Variants in CDKL5 observed in about 807,000 individuals in gnomAD.
The protein encoded by CDKL5 is cyclin-dependent kinase-like 5.
CDKL5 carries 8 observed loss-of-function variants against 61.7 expected under a neutral mutation model. The ratio of observed to expected loss-of-function variants is 0.13; its 90% CI spans 0.08 to 0.23. CDKL5 has a LOEUF of 0.23. Ranked by LOEUF, CDKL5 falls within the 10% of genes least tolerant of loss-of-function variation. CDKL5 has a pLI of 1.00. For synonymous variants in CDKL5, 275 were observed against 272.3 expected (o/e 1.01, Z -0.10); for missense variants, 440 against 734.5 (o/e 0.60, Z 4.63).
rs192806716 is a variant in CDKL5 at position 18,478,468 on chromosome X, C to T, written c.-162-28467C>T. Among the ~76,000 whole-genome samples, 457 of 106,701 alleles carry T rather than the reference C, an allele frequency of 4.3e-3. 2 individuals are homozygous for T. The Middle Eastern group carries it at 0.045, about 10-fold the overall frequency. 92.7% of individuals were successfully genotyped at this position (106,701 alleles called of 115,157 possible). Reference sequence around the variant, plus strand: ...ACCACACCTGGCTAATTTTTGTAATCTTAGTAGAGATGGGGTTTCACCATG... The same window carrying T: ...ACCACACCTGGCTAATTTTTGTAATTTTAGTAGAGATGGGGTTTCACCATG... On this transcript the variant is annotated intron_variant, in intron 1 of 17. Transcript: ENST00000623535.
intron 1 of CDKL5, among the ~76,000 whole-genome samples, chrX:18,481,127 G>C (rs760612062): frequency 9.1e-6 from 1 of 110,084 alleles, no homozygotes; most frequent in Non-Finnish European, 1.9e-5. Flanking sequence ...CCAAAGTGTT[G>C]GGATGACAGG....
chrX:18,617,260 C>T (rs1220596074), intron 15 of CDKL5, among the ~76,000 whole-genome samples: 1 of 111,838 alleles, frequency 8.9e-6, no homozygotes, highest in East Asian at 2.8e-4. Flanking sequence ...TTGCCCTCCT[C>T]CCGTACTGTT....
intron 4 of CDKL5, among the ~76,000 whole-genome samples, chrX:18,573,178 A>C (rs1173138243): frequency 4.5e-5 from 5 of 111,404 alleles, no homozygotes; most frequent in Non-Finnish European, 9.4e-5. Flanking sequence ...GAGGGACATG[A>C]GATGGGGATG....
At chrX:18,643,028 G>A (rs1927641424), downstream of CDKL5, among the ~76,000 whole-genome samples, 1 of 111,834 alleles carries the variant, frequency 8.9e-6, no homozygotes, top group Non-Finnish European at 1.9e-5. Flanking sequence ...CTGGGCAACA[G>A]AGTGAGACTC....
intron 14 of CDKL5, among the ~76,000 whole-genome samples, chrX:18,611,563 T>C (rs1209744605): frequency 9.0e-6 from 1 of 111,347 alleles, no homozygotes; most frequent in Admixed American, 9.6e-5. Context: ...ACCTCCAAAA[T>C]GTAGCATAGG....
At chrX:18,451,024 G>C (rs932792183) in intron 1 of CDKL5, among the ~76,000 whole-genome samples, 12 of 110,910 alleles carry the variant, frequency 1.1e-4, no homozygotes, top group African/African-American at 3.3e-4. Flanking sequence ...TTATAGATAG[G>C]GTCCCTGAAG....
chrX:18,549,111 G>A (rs1924298210), intron 3 of CDKL5, among the ~76,000 whole-genome samples: 1 of 111,636 alleles, frequency 9.0e-6, no homozygotes, highest in Non-Finnish European at 1.9e-5. Context: ...TTGCTCTACT[G>A]TCTCTAACGT....
At chrX:18,518,661 A>G (rs1190104291) in intron 3 of CDKL5, among the ~76,000 whole-genome samples, 2 of 109,591 alleles carry the variant, frequency 1.8e-5, no homozygotes, top group African/African-American at 3.3e-5. Flanking sequence ...TCGGCCTCCC[A>G]GAGTGCTGGG....
At chrX:18,438,380 A>G (rs1008818729) in intron 1 of CDKL5, among the ~76,000 whole-genome samples, 7 of 110,797 alleles carry the variant, frequency 6.3e-5, no homozygotes, top group African/African-American at 2.0e-4. Context: ...GGTACACTCA[A>G]CAGGCACTTA....
At chrX:18,621,786 G>A (rs1926897318) in intron 16 of CDKL5, among the ~76,000 whole-genome samples, 1 of 111,531 alleles carries the variant, frequency 9.0e-6, no homozygotes, top group South Asian at 3.7e-4. Flanking sequence ...ATGCCACTCA[G>A]TCAGATACTA....
intron 3 of CDKL5, among the ~76,000 whole-genome samples, chrX:18,555,851 G>A (rs1322592434): frequency 2.7e-5 from 3 of 112,062 alleles, no homozygotes; most frequent in African/African-American, 9.7e-5. Context: ...TGATTGAAAC[G>A]CTCTTTTTCT....
In CDKL5 at chrX:18,480,888, C is replaced by T. The variant is rs770812965; in HGVS notation, c.-162-26047C>T. On this transcript the variant is annotated intron_variant, in intron 1 of 17. Transcript: ENST00000623535. ...TTTTTTTTTTTTGGAGAGGAAGTCT[C>T]GTTCTATCCCCTAGGCTGGAGTGCG... is the stretch of plus-strand genomic sequence containing the variant. Among the ~76,000 whole-genome samples the T allele has an allele frequency of 8.2e-5, 8 of 97,108 alleles. No individual in the cohort carries two copies. In the South Asian group the frequency reaches 3.5e-3, roughly 42 times the overall value. 84.3% of individuals were successfully genotyped at this position (97,108 alleles called of 115,157 possible). A position where few individuals can be genotyped will look rare whatever the true frequency, so the allele number is the denominator to read the frequency against.
In CDKL5 at chrX:18,581,957, T is replaced by C. The variant is rs1925496269; in HGVS notation, c.463+7T>C. 1 of 1,142,374 alleles carries C rather than the reference T, an allele frequency of 8.8e-7. No individual in the cohort carries two copies. Among genetic ancestry groups the C allele is most frequent in the African/African-American group, 1.8e-5 (1 of 55,945 alleles). 94.1% of individuals were successfully genotyped at this position (1,142,374 alleles called of 1,213,427 possible). ...CTAAAACTGTGTGACTTTGGTAAGT[T>C]AAAAAGAAATTAAGTCCTGGTACTT... On this transcript the variant is annotated splice_region_variant and intron_variant, in intron 7 of 17. Coordinates refer to ENST00000623535, the MANE Select transcript of CDKL5 (RefSeq NM_001323289.2).
chrX:18,481,374 A>ACTT, intron 1 of CDKL5, among the ~76,000 whole-genome samples: 1 of 85,175 alleles, frequency 1.2e-5, no homozygotes, highest in African/African-American at 5.0e-5. Flanking sequence ...CTTTCTTTTG[A>ACTT]GGCAGGGCGT....
At chrX:18,561,124 C>T (rs925328880) in intron 3 of CDKL5, among the ~76,000 whole-genome samples, 8 of 111,542 alleles carry the variant, frequency 7.2e-5, no homozygotes, top group African/African-American at 9.8e-5. Flanking sequence ...CATTAAGTTG[C>T]TTTAATAAGC....
At chrX:18,506,215 G>A (rs755754628) in intron 1 of CDKL5, among the ~76,000 whole-genome samples, 2 of 111,459 alleles carry the variant, frequency 1.8e-5, no homozygotes, top group Non-Finnish European at 3.8e-5. Flanking sequence ...TATGCCCTAG[G>A]CTCCTATGGT....
chrX:18,442,367 GT>G (rs1931765804), intron 1 of CDKL5: 1 of 111,693 alleles, frequency 9.0e-6, no homozygotes, highest in South Asian at 3.7e-4. Context: ...GTTCTTTTTG[GT>G]GTCCAGCTGT....
chrX:18,648,092 C>G (rs1030942120), intron 20 of CDKL5, among the ~76,000 whole-genome samples: 2 of 110,930 alleles, frequency 1.8e-5, no homozygotes, highest in African/African-American at 6.6e-5. Flanking sequence ...ATCCCAGCTA[C>G]TCGGGAGGCT....
intron 3 of CDKL5, among the ~76,000 whole-genome samples, chrX:18,541,905 A>G (rs1310835990): frequency 9.0e-6 from 1 of 111,265 alleles, no homozygotes; most frequent in Non-Finnish European, 1.9e-5. Flanking sequence ...TAATTACTCT[A>G]AAGTATTTGT....
Sources: allele counts gnomAD v4.1 joint callset (sites outside exome capture counted in the v4.1 genomes callset), GRCh38; gene constraint gnomAD v4.1.1; transcripts MANE v1.5; gene names NCBI Gene and HGNC (gene_info 2026-07-23, HGNC 2026-07-21).